Variants in ARFGAP2 observed in about 807,000 individuals in gnomAD.
The protein encoded by ARFGAP2 is ARF GTPase activating protein 2.
A neutral mutation model predicts 71.9 loss-of-function variants in ARFGAP2; 45 were observed. That is an observed-to-expected ratio of 0.63 (90% confidence interval 0.49 to 0.80). ARFGAP2 has a LOEUF of 0.80. Ranked by LOEUF, ARFGAP2 falls within the 30% of genes least tolerant of loss-of-function variation. ARFGAP2 has a pLI of 0.00. For missense variants in ARFGAP2, 633 were observed against 673.9 expected (o/e 0.94, Z 0.67); for synonymous variants, 248 against 249.2 (o/e 1.00, Z 0.05).
At chr11:47,175,156 C>T (rs752728730) in intron 4 of ARFGAP2, 26 bp downstream of exon 4, 18 of 1,614,082 alleles carry the variant, frequency 1.1e-5, no homozygotes, top group Non-Finnish European at 1.4e-5. Flanking sequence ...AACCCTCCTG[C>T]CCCAGCCCCA....
In ARFGAP2 at chr11:47,166,489, C is replaced by T. The variant is rs746594986; in HGVS notation, c.1426+17G>A. On this transcript the variant is annotated intron_variant, in intron 14 of 15. Coordinates refer to ENST00000524782, the MANE Select transcript of ARFGAP2 (RefSeq NM_032389.6). ...CCCAGGCCTCACTTGGTGCCTGCCA[C>T]CCCACCAGGGCCCTACCTGCTCCGT... 1.2e-6 allele frequency: 2 copies of T among 1,612,808 alleles called. No individual in the cohort carries two copies. The highest frequency in any genetic ancestry group is 1.1e-5 in the South Asian group (1 of 91,006).
rs1251514438 is a variant in ARFGAP2, at chr11:47,175,317, GA to G, written c.265-5del. 1.2e-6 allele frequency: 2 copies of G among 1,613,970 alleles called. No homozygotes were observed. The highest frequency in any genetic ancestry group is 2.7e-5 in the African/African-American group (2 of 74,928). ...CATGTTGGCGAAAAAAAGCCGTCTGGAGAGCAAAGAAGAGAGCAGCGCGTGC... is the reference window on the plus strand; with the variant it reads ...CATGTTGGCGAAAAAAAGCCGTCTGGGAGCAAAGAAGAGAGCAGCGCGTGC... On this transcript the variant is annotated splice_polypyrimidine_tract_variant and splice_region_variant and intron_variant, in intron 3 of 15. Transcript: ENST00000524782.
Position 47,175,300 on chromosome 11 carries a change from C to T in ARFGAP2, c.278G>A (p.Arg93His), listed in dbSNP as rs760907325. The T allele has an allele frequency of 6.2e-6, 10 of 1,613,698 alleles. No individual in the cohort carries two copies. Among genetic ancestry groups the T allele is most frequent in the Middle Eastern group, 1.6e-4 (1 of 6,082 alleles). Residue 93 changes from arginine (R) to histidine (H), a missense_variant, in exon 4 of 16, where the codon CGC (arginine) becomes CAC (histidine). Transcript: ENST00000524782. ...ATCATTGGCTGTGCATCCATGTTGG[C>T]GAAAAAAAGCCGTCTGGAGAGCAAA... Reference protein sequence around the residue: ...GGNANATAFFRQHGCTANDAN... With the variant: ...GGNANATAFFHQHGCTANDAN...
chr11:47,176,816 A>G lies in ARFGAP2; in HGVS notation c.38T>C (p.Leu13Pro). Residue 13 changes from leucine (L) to proline (P), a missense_variant, in exon 1 of 16, where the codon CTT becomes CCT. Coordinates refer to ENST00000524782, the MANE Select transcript of ARFGAP2 (RefSeq NM_032389.6). ...TGGAACTGCGCGAAGCCTCTTAAAA[A>G]GAGTCTGGATTTCGGTCTTGTTCGG... is the stretch of plus-strand genomic sequence containing the variant. The part of the protein sequence containing the change: ...AEPNKTEIQT[L>P]FKRLRAVPTN... 1 of 1,614,050 alleles carries G rather than the reference A, an allele frequency of 6.2e-7. No homozygotes were observed. The highest frequency in any genetic ancestry group is 8.5e-7 in the Non-Finnish European group (1 of 1,180,008).
At chr11:47,176,301 A>G (rs1280594544) in intron 2 of ARFGAP2, 10 of 599,740 alleles carry the variant, frequency 1.7e-5, no homozygotes, top group African/African-American at 1.3e-4. Context: ...ACCGTCAAAA[A>G]AGAGGAAGTT....
At chr11:47,174,295 TAA>T (rs915864904) in intron 5 of ARFGAP2, 1 of 167,776 alleles carries the variant, frequency 6.0e-6, no homozygotes, top group African/African-American at 2.5e-5. Context: ...CCAGGGCCAG[TAA>T]AGAGGAAACC....
chr11:47,174,708 T>G (rs1032467679), intron 5 of ARFGAP2: 1 of 322,450 alleles, frequency 3.1e-6, no homozygotes, highest in African/African-American at 2.1e-5. Context: ...AGTGCCTTTC[T>G]TATAGGGGAA....
Position 47,176,568 on chromosome 11 carries a change from T to C in ARFGAP2, c.139A>G (p.Ile47Val). 6.2e-7 allele frequency: 1 copy of C among 1,614,010 alleles called. No individual in the cohort carries two copies. Among genetic ancestry groups the C allele is most frequent in the Non-Finnish European group, 8.5e-7 (1 of 1,180,036 alleles). The stretch of plus-strand genomic sequence containing the variant: ...GAGCGGTGCACCCCGGAACAGTCAA[T>C]GCACAAGAAAACACCGTACGTGATG... ...ASITYGVFLC[I>V]DCSGVHRSLG... The change falls in exon 2 of 16, where the codon ATT becomes GTT. Residue 47 changes from isoleucine (I) to valine (V), a missense_variant. Physicochemically the swap from Ile to Val is conservative, Grantham distance 29. Transcript: ENST00000524782.
chr11:47,172,656 C>G, intron 7 of ARFGAP2: 1 of 1,326,774 alleles, frequency 7.5e-7, no homozygotes, highest in South Asian at 1.2e-5. Flanking sequence ...GGCTCCGCTT[C>G]TAAAGCAGGA....
rs748093127 is a variant in ARFGAP2 at position 47,166,612 on chromosome 11, AAAGGCC to A, written c.1333-19_1333-14del. 9.9e-6 allele frequency: 16 copies of A among 1,610,956 alleles called. No homozygotes were observed. The Admixed American group carries it at 2.7e-4, about 27-fold the overall frequency. On this transcript the variant is annotated splice_polypyrimidine_tract_variant and intron_variant, in intron 13 of 15. Transcript: ENST00000524782. The stretch of plus-strand genomic sequence containing the variant: ...ACCTGGCCTCATACTGTGGTGAGGA[AAAGGCC>A]AGGCCTGGGGATCTTGGGGCTGATG...
intron 3 of ARFGAP2, 120 bp from the exon 4 acceptor site, chr11:47,175,433 C>T (rs760017211): frequency 7.0e-6 from 10 of 1,438,128 alleles, no homozygotes; most frequent in African/African-American, 5.6e-5. Context: ...ATGATACACG[C>T]TACTGACACC....
chr11:47,173,120 A>G (rs1952665199), intron 7 of ARFGAP2: 2 of 438,866 alleles, frequency 4.6e-6, no homozygotes, highest in South Asian at 2.2e-5. Context: ...CCTGCCTCAG[A>G]GCCCAGGGAT....
rs751428202 is a variant in ARFGAP2 at position 47,166,535 on chromosome 11, A to G, written c.1397T>C (p.Phe466Ser). 1 of 1,612,504 alleles carries G rather than the reference A, an allele frequency of 6.2e-7. No homozygotes were observed. The highest frequency in any genetic ancestry group is 8.5e-7 in the Non-Finnish European group (1 of 1,180,012). ...TCCGTGAGCTCCATCCATGTCCCCA[A>G]AGAGGTCTGAAGAGCTGATGGCACT... ...GSSAISSSDL[F>S]GDMDGAHGAG... Residue 466 changes from phenylalanine to serine, a missense_variant, in exon 14 of 16, where the codon TTT becomes TCT. Phe to Ser is a radical substitution (Grantham distance 155, BLOSUM62 -2). Coordinates refer to ENST00000524782, the MANE Select transcript of ARFGAP2 (RefSeq NM_032389.6).
At position 47,171,419 on chromosome 11, in the gene ARFGAP2, GCCTCA is replaced by G; in HGVS notation, c.941+2_941+6del. 1 of 1,614,096 alleles carries G rather than the reference GCCTCA, an allele frequency of 6.2e-7. No homozygotes were observed. The highest frequency in any genetic ancestry group is 1.1e-5 in the South Asian group (1 of 91,076). ...ATTTCCCTGCCACACCCGGAGCTGA[GCCTCA>G]CCTTCGGGATACCAAGCCCATGCCC... On this transcript the variant is annotated splice_donor_variant and splice_donor_5th_base_variant and intron_variant, in intron 10 of 15. Coordinates refer to ENST00000524782, the MANE Select transcript of ARFGAP2 (RefSeq NM_032389.6). LOFTEE classifies it high-confidence loss of function.
intron 10 of ARFGAP2, chr11:47,168,492 G>T: frequency 2.4e-6 from 1 of 408,662 alleles, no homozygotes; most frequent in Non-Finnish European, 4.4e-6. Context: ...GGAGTTCCCT[G>T]GCCAGTGACG....
chr11:47,168,864 T>A (rs528088769), intron 10 of ARFGAP2, among the ~76,000 whole-genome samples: 75 of 152,208 alleles, frequency 4.9e-4, no homozygotes, highest in African/African-American at 1.8e-3. Context: ...GCCAGTGGTC[T>A]CTGTCCTGAA....
chr11:47,168,245 G>C lies in ARFGAP2; in HGVS notation c.948C>G (p.Val316=). The C allele has an allele frequency of 6.2e-7, 1 of 1,614,124 alleles. No homozygotes were observed. Among genetic ancestry groups the C allele is most frequent in the Non-Finnish European group, 8.5e-7 (1 of 1,180,034 alleles). Residue 316 remains valine (V), a synonymous_variant, in exon 11 of 16, where the codon GTC becomes GTG. Transcript: ENST00000524782. The part of the protein sequence containing the change: ...LGMGLVSRSS[V]SHSVLSEMQV... ...GCATCTCAGACAGCACGGAGTGGGA[G>C]ACAGAGCTGCGCAGCAAAGCAGAGC...
Position 47,166,823 on chromosome 11 carries a change from C to T in ARFGAP2, c.1269G>A (p.Gln423=). 1 of 1,614,170 alleles carries T rather than the reference C, an allele frequency of 6.2e-7. No homozygotes were observed. Residue 423 remains glutamine, a synonymous_variant, in exon 13 of 16, where the codon CAG becomes CAA. Coordinates refer to ENST00000524782, the MANE Select transcript of ARFGAP2 (RefSeq NM_032389.6). ...AGATGGCTTTGGCTCCTGCGAATTTCTGACGCGCCTCACTAGACTCGAGGC... is the reference window on the plus strand; with the variant it reads ...AGATGGCTTTGGCTCCTGCGAATTTTTGACGCGCCTCACTAGACTCGAGGC... ...SSGLESSEAR[Q]KFAGAKAISS... is the part of the protein sequence containing the mutation.
At position 47,171,442 on chromosome 11, in the gene ARFGAP2, C is replaced by T; in HGVS notation, c.925G>A (p.Gly309Ser). The T allele has an allele frequency of 6.2e-7, 1 of 1,614,252 alleles. No individual in the cohort carries two copies. Among genetic ancestry groups the T allele is most frequent in the South Asian group, 1.1e-5 (1 of 91,086 alleles). Residue 309 changes from glycine (G) to serine (S), a missense_variant, in exon 10 of 16, where the codon GGC (glycine) becomes AGC (serine). By Grantham distance (56) the Gly-to-Ser change is moderately conservative. Transcript: ENST00000524782. ...KREQAERLGM[G>S]LVSRSSVSHS... is the part of the protein sequence containing the mutation. ...GAGCCTCACCTTCGGGATACCAAGC[C>T]CATGCCCAACCTTTCTGCCTGCTCT...
Sources: gnomAD v4.1 joint callset for allele counts (sites outside exome capture counted in the v4.1 genomes callset) on GRCh38, gnomAD v4.1.1 for gene constraint, MANE v1.5 for transcripts, NCBI Gene and HGNC (gene_info 2026-07-23, HGNC 2026-07-21) for gene names.